CEP164: variants seen among roughly 807,000 people sequenced by gnomAD.
The protein encoded by CEP164 is centrosomal protein 164, also known as centrosomal protein of 164 kDa.
CEP164 carries 162 observed loss-of-function variants against 182.7 expected under a neutral mutation model. The observed-to-expected ratio is 0.89, with a 90% CI of 0.78 to 1.01. The LOEUF (loss-of-function observed/expected upper bound fraction) is 1.01, where lower values mean the gene tolerates loss of function less well. Ranked by LOEUF, CEP164 falls within the 50% of genes least tolerant of loss-of-function variation. The pLI is 0.00. For synonymous variants in CEP164, 661 were observed against 690.0 expected (o/e 0.96, Z 0.66); for missense variants, 1,735 against 1,790.4 (o/e 0.97, Z 0.56).
At chr11:117,379,991 C>T (rs920996661) in intron 11 of CEP164, among the ~76,000 whole-genome samples, 1 of 150,422 alleles carries the variant, frequency 6.6e-6, no homozygotes, top group Non-Finnish European at 1.5e-5. Context: ...GCATCATTGT[C>T]TGCTGATGGG....
chr11:117,351,229 C>T (rs1592093527), intron 4 of CEP164, among the ~76,000 whole-genome samples: 1 of 152,106 alleles, frequency 6.6e-6, no homozygotes, highest in East Asian at 1.9e-4. Context: ...CAGGGTTTCT[C>T]CATGTTGGTC....
chr11:117,368,660 C>T (rs1243212473), intron 8 of CEP164, among the ~76,000 whole-genome samples: 1 of 152,194 alleles, frequency 6.6e-6, no homozygotes. Flanking sequence ...TTGCCCACCC[C>T]AGGCAACTCC....
At chr11:117,392,931 T>C in intron 19 of CEP164, 73 bp from the exon 20 acceptor site, 1 of 1,597,092 alleles carries the variant, frequency 6.3e-7, no homozygotes, top group African/African-American at 1.3e-5. Flanking sequence ...GTGTAAGACC[T>C]TCAGGTGCAG....
At position 117,393,051 on chromosome 11, in the gene CEP164, T is replaced by C. The variant is rs947190507; in HGVS notation, c.2541T>C (p.His847=). ...REKRQEVEGE[H]ERRLDKMKEE... is the part of the protein sequence containing the mutation. ...AGCGCCAGGAAGTGGAAGGGGAGCATGAGAGGAGGTTGGACAAGATGAAGG... is the reference window on the plus strand; with the variant it reads ...AGCGCCAGGAAGTGGAAGGGGAGCACGAGAGGAGGTTGGACAAGATGAAGG... The change falls in exon 20 of 33, where the codon CAT becomes CAC. Residue 847 remains histidine (H), a synonymous_variant. Transcript: ENST00000278935. 3.1e-6 allele frequency: 5 copies of C among 1,612,346 alleles called. No individual in the cohort carries two copies. In the African/African-American group the frequency reaches 6.7e-5, roughly 22 times the overall value.
chr11:117,338,051 GA>G (rs1463174157), intron 2 of CEP164, among the ~76,000 whole-genome samples: 6 of 151,990 alleles, frequency 3.9e-5, no homozygotes, highest in Admixed American at 6.6e-5. Flanking sequence ...CTCAGAACAG[GA>G]AGTTTTTTTC....
intron 2 of CEP164, among the ~76,000 whole-genome samples, chr11:117,336,003 A>C (rs549977249): frequency 2.6e-5 from 4 of 152,302 alleles, no homozygotes; most frequent in African/African-American, 9.6e-5. Flanking sequence ...CTATCCAAGC[A>C]GCAAGAAGAT....
intron 28 of CEP164, chr11:117,408,621 G>A: frequency 2.2e-6 from 1 of 450,416 alleles, no homozygotes. Flanking sequence ...TGGAACTCTG[G>A]GCCCCAGAGG....
At chr11:117,390,681 G>C in intron 15 of CEP164, 96 bp from the exon 16 acceptor site, 3 of 1,459,054 alleles carry the variant, frequency 2.1e-6, no homozygotes, top group Non-Finnish European at 2.8e-6. Context: ...TCTTAGGCAG[G>C]CAACAGGGCT....
rs951341390 is a variant in CEP164, at chr11:117,335,067, A to G, written c.-97-538A>G. Among the ~76,000 whole-genome samples, 53 of 152,054 alleles carry G rather than the reference A, an allele frequency of 3.5e-4. 1 individual carries two copies. Among genetic ancestry groups the G allele is most frequent in the African/African-American group, 1.3e-3 (53 of 41,386 alleles). On this transcript the variant is annotated intron_variant, in intron 1 of 32. Transcript: ENST00000278935. ...TTCCTTTTTTCTTCTCCTCTCCCTAAGAGGATTAAAGATTCAGGTGACTCT... is the reference window on the plus strand; with the variant it reads ...TTCCTTTTTTCTTCTCCTCTCCCTAGGAGGATTAAAGATTCAGGTGACTCT...
intron 15 of CEP164, among the ~76,000 whole-genome samples, chr11:117,389,872 G>A (rs1421536706): frequency 6.6e-6 from 1 of 151,672 alleles, no homozygotes; most frequent in Non-Finnish European, 1.5e-5. Context: ...CTGAGGTGAA[G>A]CTGTTGACAG....
chr11:117,353,151 G>A (rs1455488687), intron 5 of CEP164, among the ~76,000 whole-genome samples: 1 of 152,220 alleles, frequency 6.6e-6, no homozygotes, highest in South Asian at 2.1e-4. Context: ...TCAGCCAGTG[G>A]GGAGCACTGG....
At chr11:117,327,850 GT>G (rs1207864809), upstream of CEP164, 1 of 152,256 alleles carries the variant, frequency 6.6e-6, no homozygotes, top group African/African-American at 2.4e-5. Flanking sequence ...TTCCGGAAGT[GT>G]TTGTTGCGCG....
chr11:117,375,622 A>G (rs1365952889), intron 10 of CEP164, 86 bp from the exon 11 acceptor site: 1 of 1,033,158 alleles, frequency 9.7e-7, no homozygotes, highest in Non-Finnish European at 1.5e-6. Flanking sequence ...ATCTTTCTGG[A>G]AAGTGGAGTT....
intron 4 of CEP164, among the ~76,000 whole-genome samples, chr11:117,350,472 T>C (rs1280674745): frequency 6.6e-6 from 1 of 152,222 alleles, no homozygotes; most frequent in Non-Finnish European, 1.5e-5. Flanking sequence ...TAGCATTTCA[T>C]AATAGTTTTG....
intron 14 of CEP164, chr11:117,385,481 G>C (rs769093143): frequency 1.3e-5 from 2 of 152,354 alleles, no homozygotes; most frequent in Non-Finnish European, 2.9e-5. Flanking sequence ...GGTGCTCATA[G>C]CCTGGGCACA....
chr11:117,382,915 G>GC lies in CEP164; in HGVS notation c.1701dup (p.Thr568HisfsTer89). 6.2e-7 allele frequency: 1 copy of GC among 1,601,500 alleles called. No individual in the cohort carries two copies. The highest frequency in any genetic ancestry group is 1.1e-5 in the South Asian group (1 of 89,276). On this transcript the variant is annotated frameshift_variant, in exon 14 of 33. Transcript: ENST00000278935. LOFTEE classifies it high-confidence loss of function. Reference sequence around the variant, plus strand: ...GATCCTGAGGAGAAGGTGGCGGTCAGCCCCACCCCGCCAGTCTCTCCAGAG... The same window carrying GC: ...GATCCTGAGGAGAAGGTGGCGGTCAGCCCCCACCCCGCCAGTCTCTCCAGAG...
chr11:117,329,303 C>T (rs2035823081), intron 1 of CEP164, among the ~76,000 whole-genome samples: 1 of 152,266 alleles, frequency 6.6e-6, no homozygotes, highest in South Asian at 2.1e-4. Flanking sequence ...ATGCCAGTCT[C>T]CTTTGTGAAA....
At chr11:117,372,349 G>A (rs1402300434) in intron 9 of CEP164, among the ~76,000 whole-genome samples, 3 of 151,932 alleles carry the variant, frequency 2.0e-5, no homozygotes, top group Non-Finnish European at 4.4e-5. Flanking sequence ...GCTCAACCTC[G>A]ATCTGCCCGC....
chr11:117,360,809 A>G (rs1183866051), intron 5 of CEP164, among the ~76,000 whole-genome samples: 1 of 152,212 alleles, frequency 6.6e-6, no homozygotes, highest in African/African-American at 2.4e-5. Flanking sequence ...GTTTACATCC[A>G]TCTTTGTAAA....
Sources: gnomAD v4.1 joint callset for allele counts (sites outside exome capture counted in the v4.1 genomes callset) on GRCh38, gnomAD v4.1.1 for gene constraint, MANE v1.5 for transcripts, NCBI Gene and HGNC (gene_info 2026-07-23, HGNC 2026-07-21) for gene names.